The following SH3D19 variants were observed in gnomAD, a reference collection of about 807,000 sequenced individuals.
SH3D19 encodes the protein SH3 domain containing 19, also known as SH3 domain-containing protein 19.
A neutral mutation model predicts 112.1 loss-of-function variants in SH3D19; 58 were observed. The ratio of observed to expected loss-of-function variants is 0.52; its 90% CI spans 0.42 to 0.64. The LOEUF (loss-of-function observed/expected upper bound fraction) is 0.64. Among genes scored for constraint, SH3D19 ranks in the 30% least tolerant of loss-of-function variants. The pLI is 0.00. For synonymous variants in SH3D19, 391 were observed against 448.5 expected, an observed-to-expected ratio of 0.87 and a Z score of 1.62; for missense variants, 1,090 against 1,263.4, an observed-to-expected ratio of 0.86 and a Z score of 2.08.
At chr4:151,183,711 A>G (rs1224667386) in intron 3 of SH3D19, among the ~76,000 whole-genome samples, 1 of 152,250 alleles carries the variant, frequency 6.6e-6, no homozygotes, top group Non-Finnish European at 1.5e-5. Context: ...TGAATGATCA[A>G]TGAACTAAGA....
intron 1 of SH3D19, among the ~76,000 whole-genome samples, chr4:151,236,953 G>C (rs990159658): frequency 6.6e-5 from 10 of 152,322 alleles, no homozygotes; most frequent in South Asian, 2.1e-4. Context: ...GGTGGGGCCA[G>C]ATAAGGGAAT....
At chr4:151,268,855 G>C (rs1295794206) in intron 1 of SH3D19, among the ~76,000 whole-genome samples, 6 of 151,578 alleles carry the variant, frequency 4.0e-5, no homozygotes, top group East Asian at 1.9e-4. Context: ...GGACATTTGG[G>C]TTGGTTCCAA....
intron 1 of SH3D19, among the ~76,000 whole-genome samples, chr4:151,236,542 T>G (rs959154948): frequency 6.6e-6 from 1 of 151,886 alleles, no homozygotes; most frequent in African/African-American, 2.4e-5. Flanking sequence ...TAAAGGATTG[T>G]AAACGCACCA....
chr4:151,244,486 G>T (rs1320832696), intron 1 of SH3D19, among the ~76,000 whole-genome samples: 2 of 152,186 alleles, frequency 1.3e-5, no homozygotes. Flanking sequence ...GATCACAAAA[G>T]AATGACTTCT....
chr4:151,303,034 G>T (rs183448107), intron 1 of SH3D19, among the ~76,000 whole-genome samples: 1 of 152,296 alleles, frequency 6.6e-6, no homozygotes, highest in East Asian at 1.9e-4. Flanking sequence ...AAGAAAAAAA[G>T]AATGCATGTC....
At chr4:151,232,071 C>T (rs1769654862) in intron 1 of SH3D19, among the ~76,000 whole-genome samples, 1 of 152,182 alleles carries the variant, frequency 6.6e-6, no homozygotes, top group Non-Finnish European at 1.5e-5. Context: ...GTAATCCCAG[C>T]TGCTCAGGAT....
At chr4:151,219,732 ACCTACGTGCACTGCACAGT>A (rs1561366757) in intron 2 of SH3D19, among the ~76,000 whole-genome samples, 9 of 152,140 alleles carry the variant, frequency 5.9e-5, no homozygotes, top group African/African-American at 2.2e-4. Flanking sequence ...AACCTTTGTC[ACCTACGTGCACTGCACAGT>A]CATGACTTCC....
At chr4:151,306,567 G>A (rs1728935230) in intron 1 of SH3D19, among the ~76,000 whole-genome samples, 1 of 152,120 alleles carries the variant, frequency 6.6e-6, no homozygotes, top group Non-Finnish European at 1.5e-5. Context: ...AAGAATATTG[G>A]AATTAAAACC....
At position 151,134,929 on chromosome 4, in the gene SH3D19, C is replaced by A. The variant is rs778000691; in HGVS notation, c.2486+145G>T. On this transcript the variant is annotated intron_variant, in intron 15 of 19. Coordinates refer to ENST00000604030, the MANE Select transcript of SH3D19 (RefSeq NM_001378122.1). ...TCTTGAACTCCTGGCATCAAGCAATCCTCCCACCTCAGCCTCCCAAAGTAC... is the reference window on the plus strand; with the variant it reads ...TCTTGAACTCCTGGCATCAAGCAATACTCCCACCTCAGCCTCCCAAAGTAC... 3.7e-5 allele frequency: 21 copies of A among 573,472 alleles called. No individual in the cohort carries two copies. The Admixed American group carries it at 4.9e-4, about 13-fold the overall frequency. 35.5% of individuals were successfully genotyped at this position (573,472 alleles called of 1,614,324 possible).
chr4:151,263,920 C>T (rs1772570288), intron 1 of SH3D19, among the ~76,000 whole-genome samples: 1 of 152,206 alleles, frequency 6.6e-6, no homozygotes, highest in Admixed American at 6.5e-5. Flanking sequence ...ATCCTCCCCA[C>T]TTCAGCCTCC....
chr4:151,262,572 G>A (rs1338478724), intron 1 of SH3D19, among the ~76,000 whole-genome samples: 1 of 152,204 alleles, frequency 6.6e-6, no homozygotes, highest in Non-Finnish European at 1.5e-5. Context: ...GACCCTGGGT[G>A]AACCCAGGAG....
chr4:151,314,927 G>A (rs1466632730), intron 1 of SH3D19, among the ~76,000 whole-genome samples: 1 of 152,174 alleles, frequency 6.6e-6, no homozygotes, highest in Admixed American at 6.5e-5. Flanking sequence ...AGGGTATTCT[G>A]TGCAGTTGAG....
chr4:151,241,285 C>T (rs936524992), intron 1 of SH3D19, among the ~76,000 whole-genome samples: 3 of 151,822 alleles, frequency 2.0e-5, no homozygotes. Context: ...AAGCGAGGCC[C>T]TATCTTTATA....
chr4:151,125,671 G>A (rs1294296504), intron 19 of SH3D19, among the ~76,000 whole-genome samples: 1 of 151,580 alleles, frequency 6.6e-6, no homozygotes, highest in Admixed American at 6.6e-5. Context: ...GGCCAGTATG[G>A]TGAAACCCCG....
intron 1 of SH3D19, among the ~76,000 whole-genome samples, chr4:151,323,746 A>C (rs1473253070): frequency 2.6e-5 from 4 of 152,218 alleles, no homozygotes; most frequent in Non-Finnish European, 4.4e-5. Flanking sequence ...GGTGAAAACT[A>C]ATTACAAAAT....
At chr4:151,176,444 C>T in intron 6 of SH3D19, 90 bp downstream of exon 6, 3 of 1,097,056 alleles carry the variant, frequency 2.7e-6, no homozygotes, top group South Asian at 9.4e-5. Flanking sequence ...GAATTATGCA[C>T]AAATTGCAAA....
At chr4:151,130,952 A>C (rs972575710) in intron 17 of SH3D19, among the ~76,000 whole-genome samples, 1 of 151,932 alleles carries the variant, frequency 6.6e-6, no homozygotes, top group African/African-American at 2.4e-5. Context: ...AAAAAAGAAA[A>C]AAAAAAAAGA....
intron 1 of SH3D19, among the ~76,000 whole-genome samples, chr4:151,240,491 C>A (rs1440590920): frequency 1.3e-5 from 2 of 151,602 alleles, no homozygotes; most frequent in African/African-American, 2.4e-5. Context: ...GGCTTAATTT[C>A]TCAGTCTCAC....
At chr4:151,149,678 G>C in intron 9 of SH3D19, 117 bp from the exon 10 acceptor site, 1 of 823,032 alleles carries the variant, frequency 1.2e-6, no homozygotes. Flanking sequence ...TTGAATTATA[G>C]AAAGTAGCTT....
Sources: gnomAD v4.1 joint callset for allele counts (sites outside exome capture counted in the v4.1 genomes callset) on GRCh38, gnomAD v4.1.1 for gene constraint, MANE v1.5 for transcripts, NCBI Gene and HGNC (gene_info 2026-07-23, HGNC 2026-07-21) for gene names.